Variants in EYS observed in about 807,000 individuals in gnomAD.
EYS encodes the protein protein eyes shut homolog.
A neutral mutation model predicts 282.1 loss-of-function variants in EYS; 250 were observed. The observed-to-expected ratio is 0.89, with a 90% CI of 0.80 to 0.98. The LOEUF (loss-of-function observed/expected upper bound fraction) is 0.98. Ranked by LOEUF, EYS falls within the 50% of genes least tolerant of loss-of-function variation. EYS has a pLI of 0.00. For missense variants in EYS, 4,016 were observed against 3,709.0 expected (o/e 1.08, Z -2.15); for synonymous variants, 1,355 against 1,282.9 (o/e 1.06, Z -1.20).
rs34441532 is a variant in EYS, at chr6:65,060,230, C to CTT, written c.2024-2505_2024-2504dup. 2.5e-4 allele frequency among the ~76,000 whole-genome samples: 36 copies of CTT among 146,354 alleles called. No homozygotes were observed. The South Asian group carries it at 6.5e-3, about 26-fold the overall frequency. ...TTTGACAAGACACCTACAAGGAAGA[C>CTT]TTTTTTTTTTTTTCAAATTTGACAC... On this transcript the variant is annotated intron_variant, in intron 12 of 42. Coordinates refer to ENST00000503581, the MANE Select transcript of EYS (RefSeq NM_001142800.2).
At chr6:65,312,967 G>A (rs1769200157) in intron 11 of EYS, among the ~76,000 whole-genome samples, 2 of 151,806 alleles carry the variant, frequency 1.3e-5, no homozygotes, top group African/African-American at 4.8e-5. Context: ...ACAGCTGCTT[G>A]TTTTGCTTTA....
At chr6:65,552,583 C>T (rs1431236202) in intron 2 of EYS, among the ~76,000 whole-genome samples, 2 of 151,982 alleles carry the variant, frequency 1.3e-5, no homozygotes, top group African/African-American at 4.8e-5. Flanking sequence ...GAGAATGACA[C>T]TATACACATA....
chr6:64,722,207 G>A (rs1393854927), intron 22 of EYS, among the ~76,000 whole-genome samples: 7 of 152,060 alleles, frequency 4.6e-5, no homozygotes, highest in South Asian at 4.1e-4. Flanking sequence ...TATATATTAC[G>A]GTTGTCAGTG....
rs183814213 is a variant in EYS at position 64,912,527 on chromosome 6, G to A, written c.2598C>T (p.Cys866=). The change falls in exon 16 of 43, where the codon TGC becomes TGT. Residue 866 remains cysteine, a synonymous_variant. Coordinates refer to ENST00000503581, the MANE Select transcript of EYS (RefSeq NM_001142800.2). ...LHNPCRNNST[C]LALVDANQHC... is the part of the protein sequence containing the mutation. Reference sequence around the variant, plus strand: ...GCTGATTTGCGTCTACCAAAGCTAAGCATGTTGAGTTGTTTCTGCAAGGGT... The same window carrying A: ...GCTGATTTGCGTCTACCAAAGCTAAACATGTTGAGTTGTTTCTGCAAGGGT... The A allele has an allele frequency of 4.4e-4, 680 of 1,551,212 alleles. No individual in the cohort carries two copies. The highest frequency in any genetic ancestry group is 1.3e-3 in the Admixed American group (64 of 50,984).
At chr6:65,214,318 T>C (rs1766258980) in intron 12 of EYS, among the ~76,000 whole-genome samples, 1 of 151,964 alleles carries the variant, frequency 6.6e-6, no homozygotes, top group Admixed American at 6.6e-5. Flanking sequence ...GATAAGATAG[T>C]GAAACACCCT....
intron 28 of EYS, among the ~76,000 whole-genome samples, chr6:64,415,666 G>T (rs1368445282): frequency 6.6e-6 from 1 of 152,108 alleles, no homozygotes; most frequent in Non-Finnish European, 1.5e-5. Context: ...ATTTTAAGCT[G>T]CAAAGTGTGG....
rs1554192060 is a variant in EYS, at chr6:64,676,309, A to AATATATCT, written c.3444-50072_3444-50065dup. Among the ~76,000 whole-genome samples the AATATATCT allele has an allele frequency of 3.8e-5, 5 of 131,928 alleles. No homozygotes were observed. The Admixed American group carries it at 3.9e-4, about 10-fold the overall frequency. 86.5% of individuals were successfully genotyped at this position (131,928 alleles called of 152,430 possible). A position where few individuals can be genotyped will look rare whatever the true frequency, so the allele number is the denominator to read the frequency against. Reference sequence around the variant, plus strand: ...TTCCAATATATCTATATCTATATCCAATATATCTATATATATATATCTATA... The same window carrying AATATATCT: ...TTCCAATATATCTATATCTATATCCAATATATCTATATATCTATATATATATATCTATA... On this transcript the variant is annotated intron_variant, in intron 22 of 42. Transcript: ENST00000503581.
chr6:64,279,896 A>G (rs917398953), intron 30 of EYS, among the ~76,000 whole-genome samples: 3 of 152,348 alleles, frequency 2.0e-5, no homozygotes, highest in Non-Finnish European at 2.9e-5. Flanking sequence ...CAACAACTGT[A>G]TCAAATTAAA....
chr6:64,965,607 C>A (rs184816570), intron 14 of EYS, among the ~76,000 whole-genome samples: 4 of 151,860 alleles, frequency 2.6e-5, no homozygotes, highest in Admixed American at 6.6e-5. Context: ...CTCATGAGTA[C>A]CCCCATGAGT....
At chr6:65,057,805 A>T (rs1773462368) in intron 12 of EYS, 78 bp from the exon 13 acceptor site, 2 of 998,268 alleles carry the variant, frequency 2.0e-6, no homozygotes, top group Non-Finnish European at 3.1e-6. Context: ...AAATTTGCAC[A>T]AGCCTTTAAT....
intron 22 of EYS, among the ~76,000 whole-genome samples, chr6:64,732,036 T>C (rs549119154): frequency 6.6e-6 from 1 of 152,142 alleles, no homozygotes; most frequent in East Asian, 1.9e-4. Flanking sequence ...GTGGAAACCA[T>C]CAATCTCAGC....
At chr6:65,454,589 C>A (rs1350019958) in intron 5 of EYS, among the ~76,000 whole-genome samples, 3 of 151,388 alleles carry the variant, frequency 2.0e-5, no homozygotes, top group Non-Finnish European at 4.4e-5. Context: ...CTTGCCCAGC[C>A]CAAAGTTGTA....
At chr6:64,525,760 C>T (rs1367224002) in intron 26 of EYS, among the ~76,000 whole-genome samples, 1 of 151,790 alleles carries the variant, frequency 6.6e-6, no homozygotes, top group African/African-American at 2.4e-5. Flanking sequence ...CAGTCATACA[C>T]TTCTGGTAGG....
intron 10 of EYS, among the ~76,000 whole-genome samples, chr6:65,342,421 A>G (rs1292197558): frequency 6.6e-6 from 1 of 151,022 alleles, no homozygotes; most frequent in Non-Finnish European, 1.5e-5. Context: ...ACTACAAATC[A>G]TAAGAACTTA....
At chr6:65,291,460 T>C (rs1447467378) in intron 12 of EYS, among the ~76,000 whole-genome samples, 1 of 151,470 alleles carries the variant, frequency 6.6e-6, no homozygotes, top group African/African-American at 2.4e-5. Context: ...CATAAATACT[T>C]CGAAGCCATA....
At chr6:64,555,405 T>C (rs1262582855) in intron 26 of EYS, among the ~76,000 whole-genome samples, 1 of 151,840 alleles carries the variant, frequency 6.6e-6, no homozygotes, top group Non-Finnish European at 1.5e-5. Context: ...ATTTAATTCA[T>C]GTAGAAGAAA....
chr6:64,621,968 G>T (rs982673031), intron 23 of EYS, among the ~76,000 whole-genome samples: 10 of 152,172 alleles, frequency 6.6e-5, no homozygotes, highest in Middle Eastern at 3.4e-3. Context: ...TACTATTTCG[G>T]CTAAAAACAC....
chr6:64,676,351 TAG>T (rs763594847), intron 22 of EYS, among the ~76,000 whole-genome samples: 5 of 145,468 alleles, frequency 3.4e-5, no homozygotes, highest in South Asian at 4.3e-4. Flanking sequence ...TATATATATA[TAG>T]AGAGAGAGAG....
At chr6:64,451,509 T>C (rs1325878908) in intron 26 of EYS, among the ~76,000 whole-genome samples, 1 of 152,304 alleles carries the variant, frequency 6.6e-6, no homozygotes, top group East Asian at 1.9e-4. Context: ...ACTCATTTTA[T>C]GAGGCCAGCA....
Sources: allele counts gnomAD v4.1 joint callset (sites outside exome capture counted in the v4.1 genomes callset), GRCh38; gene constraint gnomAD v4.1.1; transcripts MANE v1.5; gene names NCBI Gene and HGNC (gene_info 2026-07-23, HGNC 2026-07-21).